The following RAP1GDS1 variants were observed in gnomAD, a reference collection of about 807,000 sequenced individuals.
The protein encoded by RAP1GDS1 is Rap1 GTPase-GDP dissociation stimulator 1.
A neutral mutation model predicts 71.1 loss-of-function variants in RAP1GDS1; 35 were observed. The ratio of observed to expected loss-of-function variants is 0.49; its 90% CI spans 0.38 to 0.65. The LOEUF (loss-of-function observed/expected upper bound fraction) is 0.65, where lower values mean the gene tolerates loss of function less well. Among genes scored for constraint, RAP1GDS1 ranks in the 30% least tolerant of loss-of-function variants. RAP1GDS1 has a pLI of 0.00. For synonymous variants in RAP1GDS1, 229 were observed against 243.1 expected (o/e 0.94, Z 0.54); for missense variants, 663 against 706.1 (o/e 0.94, Z 0.69).
Position 98,343,183 on chromosome 4 carries a change from C to T in RAP1GDS1, c.157C>T (p.Leu53=). The T allele has an allele frequency of 6.2e-7, 1 of 1,607,938 alleles. No individual in the cohort carries two copies. The highest frequency in any genetic ancestry group is 8.5e-7 in the Non-Finnish European group (1 of 1,174,670). ...EKIQASGILQ[L]FASLLTPQSS... is the part of the protein sequence containing the mutation. The stretch of plus-strand genomic sequence containing the variant: ...AATCCAAGCAAGTGGAATACTTCAG[C>T]TGTTTGCAAGTCTGTTGACTCCACA... Residue 53 remains leucine (L), a synonymous_variant, in exon 3 of 15, where the codon CTG becomes TTG. Transcript: ENST00000408927.
At chr4:98,416,146 G>GTGA (rs903784084) in intron 7 of RAP1GDS1, among the ~76,000 whole-genome samples, 2 of 152,048 alleles carry the variant, frequency 1.3e-5, no homozygotes, top group Admixed American at 1.3e-4. Flanking sequence ...TAATAGTGGA[G>GTGA]TGATACTAGT....
At chr4:98,404,735 TAA>T in intron 7 of RAP1GDS1, 133 bp downstream of exon 7, 1 of 1,074,232 alleles carries the variant, frequency 9.3e-7, no homozygotes, top group South Asian at 1.6e-5. Context: ...TGCATATCTC[TAA>T]CTTTAGCTAT....
chr4:98,370,669 C>A (rs1418539697), intron 4 of RAP1GDS1, among the ~76,000 whole-genome samples: 1 of 151,712 alleles, frequency 6.6e-6, no homozygotes, highest in Non-Finnish European at 1.5e-5. Context: ...CTCCTGGGTT[C>A]AAGCGATTCT....
chr4:98,339,198 C>T (rs1009892434), intron 2 of RAP1GDS1, among the ~76,000 whole-genome samples: 26 of 152,146 alleles, frequency 1.7e-4, no homozygotes, highest in Admixed American at 1.4e-3. Flanking sequence ...TGCCTCCTTG[C>T]TACCAGGAGG....
At chr4:98,356,877 A>T (rs12507425) in intron 4 of RAP1GDS1, among the ~76,000 whole-genome samples, 1 of 151,904 alleles carries the variant, frequency 6.6e-6, no homozygotes, top group Admixed American at 6.6e-5. Context: ...AATGGGAAGG[A>T]TGCTGAAACA....
intron 1 of RAP1GDS1, among the ~76,000 whole-genome samples, chr4:98,265,174 G>A (rs377145214): frequency 6.6e-6 from 1 of 152,164 alleles, no homozygotes; most frequent in African/African-American, 2.4e-5. Context: ...ATGTTTAATG[G>A]CTTGAACCAG....
chr4:98,356,751 T>C (rs933533815), intron 4 of RAP1GDS1, among the ~76,000 whole-genome samples: 5 of 152,002 alleles, frequency 3.3e-5, no homozygotes, highest in Non-Finnish European at 7.4e-5. Flanking sequence ...ATACATAAGA[T>C]AAAAAGTTGT....
At chr4:98,330,419 C>T (rs1231020270) in intron 2 of RAP1GDS1, among the ~76,000 whole-genome samples, 2 of 151,764 alleles carry the variant, frequency 1.3e-5, no homozygotes, top group African/African-American at 2.4e-5. Flanking sequence ...CTCCTCAGTT[C>T]CCAGATGGGG....
intron 7 of RAP1GDS1, among the ~76,000 whole-genome samples, chr4:98,415,542 A>G (rs1164732408): frequency 6.6e-6 from 1 of 152,220 alleles, no homozygotes; most frequent in Non-Finnish European, 1.5e-5. Context: ...ACTTCCCACA[A>G]CATATATCTG....
chr4:98,373,380 TCTCC>T (rs1740684376), intron 4 of RAP1GDS1, among the ~76,000 whole-genome samples: 1 of 151,674 alleles, frequency 6.6e-6, no homozygotes, highest in African/African-American at 2.4e-5. Flanking sequence ...TTTCCCTCTC[TCTCC>T]CTCCCTCCCT....
Position 98,352,565 on chromosome 4 carries a change from A to G in RAP1GDS1, c.325A>G (p.Thr109Ala). The stretch of plus-strand genomic sequence containing the variant: ...CAAAGACCAGGAAGTGCTGCTTCAA[A>G]CGGGCAGGGCTCTAGGAAACATATG... ...NSKDQEVLLQ[T>A]GRALGNICYD... The change falls in exon 4 of 15, where the codon ACG becomes GCG. Residue 109 changes from threonine (T) to alanine (A), a missense_variant. Thr to Ala is a moderately conservative substitution (Grantham distance 58). Coordinates refer to ENST00000408927, the MANE Select transcript of RAP1GDS1 (RefSeq NM_001100427.2). The G allele has an allele frequency of 1.2e-6, 2 of 1,614,090 alleles. No individual in the cohort carries two copies. Among genetic ancestry groups the G allele is most frequent in the South Asian group, 2.2e-5 (2 of 91,076 alleles).
intron 14 of RAP1GDS1, among the ~76,000 whole-genome samples, chr4:98,440,059 T>TAGTC (rs1298565305): frequency 6.6e-6 from 1 of 152,234 alleles, no homozygotes; most frequent in Non-Finnish European, 1.5e-5. Context: ...CTGACAACTC[T>TAGTC]AGTCACCACA....
chr4:98,374,549 T>C (rs1388046414), intron 4 of RAP1GDS1, among the ~76,000 whole-genome samples: 2 of 152,312 alleles, frequency 1.3e-5, no homozygotes, highest in Middle Eastern at 3.4e-3. Flanking sequence ...AACTTTTTAT[T>C]GCAGCTGGAT....
rs565385010 is a variant in RAP1GDS1, at chr4:98,324,723, G to A, written c.113-18416G>A. The stretch of plus-strand genomic sequence containing the variant: ...TGGGAAAACTGGCTAGCCATATGTA[G>A]AAAGCTGAAACTGGATCCCTTCCTT... On this transcript the variant is annotated intron_variant, in intron 2 of 14. Coordinates refer to ENST00000408927, the MANE Select transcript of RAP1GDS1 (RefSeq NM_001100427.2). Among the ~76,000 whole-genome samples, 1,141 of 143,552 alleles carry A rather than the reference G, an allele frequency of 7.9e-3. 13 individuals carry two copies. Among genetic ancestry groups the A allele is most frequent in the Non-Finnish European group, 0.012 (793 of 65,820 alleles). 94.2% of individuals were successfully genotyped at this position (143,552 alleles called of 152,430 possible). A position where few individuals can be genotyped will look rare whatever the true frequency, so the allele number is the denominator to read the frequency against.
At position 98,318,351 on chromosome 4, in the gene RAP1GDS1, G is replaced by A. The variant is rs901152224; in HGVS notation, c.113-24788G>A. Reference sequence around the variant, plus strand: ...ACCCTCTGTATACAATGTTTTTTCCGGTACATACATACTTGTGATAAAGTT... The same window carrying A: ...ACCCTCTGTATACAATGTTTTTTCCAGTACATACATACTTGTGATAAAGTT... On this transcript the variant is annotated intron_variant, in intron 2 of 14. Coordinates refer to ENST00000408927, the MANE Select transcript of RAP1GDS1 (RefSeq NM_001100427.2). 5.9e-5 allele frequency among the ~76,000 whole-genome samples: 9 copies of A among 151,996 alleles called. No individual in the cohort carries two copies. In the South Asian group the frequency reaches 8.3e-4, roughly 14 times the overall value.
At chr4:98,287,831 ATATTTAG>A (rs1434625616) in intron 1 of RAP1GDS1, among the ~76,000 whole-genome samples, 2 of 152,068 alleles carry the variant, frequency 1.3e-5, no homozygotes, top group African/African-American at 4.8e-5. Context: ...TTCACAAAAC[ATATTTAG>A]TATTTAGGTA....
At chr4:98,268,399 T>C (rs903902708) in intron 1 of RAP1GDS1, among the ~76,000 whole-genome samples, 2 of 151,998 alleles carry the variant, frequency 1.3e-5, no homozygotes, top group African/African-American at 4.8e-5. Context: ...TTATCTCAGA[T>C]TGAGAAAAAA....
At chr4:98,279,314 A>G (rs984737010) in intron 1 of RAP1GDS1, among the ~76,000 whole-genome samples, 7 of 152,246 alleles carry the variant, frequency 4.6e-5, no homozygotes, top group African/African-American at 1.7e-4. Flanking sequence ...ATTTTATAAT[A>G]TATGAGTTCT....
At chr4:98,287,630 A>G (rs1726232936) in intron 1 of RAP1GDS1, among the ~76,000 whole-genome samples, 2 of 152,328 alleles carry the variant, frequency 1.3e-5, no homozygotes, top group East Asian at 1.9e-4. Flanking sequence ...TGTAACATTT[A>G]TGAAATATAG....
Sources: gnomAD v4.1 joint callset for allele counts (sites outside exome capture counted in the v4.1 genomes callset) on GRCh38, gnomAD v4.1.1 for gene constraint, MANE v1.5 for transcripts, NCBI Gene and HGNC (gene_info 2026-07-23, HGNC 2026-07-21) for gene names.